The following NBPF15 variants were observed in gnomAD, a reference collection of about 807,000 sequenced individuals.
The protein encoded by NBPF15 is NBPF member 15.
A neutral mutation model predicts 62.2 loss-of-function variants in NBPF15; 74 were observed. The observed-to-expected ratio is 1.19, with a 90% confidence interval of 0.99 to 1.44. The LOEUF is 1.44. NBPF15 is among the 40% of genes most tolerant of loss of function. The probability of loss-of-function intolerance (pLI) is 0.00; values close to 1 mark genes in which losing one functional copy is unlikely to be tolerated. For synonymous variants in NBPF15, 244 were observed against 209.7 expected (o/e 1.16, Z -1.41); for missense variants, 790 against 550.0 (o/e 1.44, Z -4.36).
intron 20 of NBPF15, among the ~76,000 whole-genome samples, chr1:144,424,204 T>C (rs1360946527): frequency 6.6e-6 from 1 of 152,052 alleles, no homozygotes; most frequent in Non-Finnish European, 1.5e-5. Context: ...GTTATCCCAA[T>C]AACATTTGTC....
At chr1:144,445,410 T>C (rs1686799784) in intron 6 of NBPF15, among the ~76,000 whole-genome samples, 1 of 145,436 alleles carries the variant, frequency 6.9e-6, no homozygotes, top group African/African-American at 2.5e-5. Flanking sequence ...TATACATATA[T>C]ATATGTCCTA....
intron 16 of NBPF15, among the ~76,000 whole-genome samples, chr1:144,427,527 G>A (rs1670625475): frequency 1.3e-5 from 2 of 148,250 alleles, no homozygotes. Context: ...ACAAAATTGA[G>A]ACAAAATCAG....
At position 144,424,577 on chromosome 1, in the gene NBPF15, C is replaced by T. The variant is rs1402559206; in HGVS notation, c.1663+113G>A. On this transcript the variant is annotated intron_variant, in intron 20 of 21. Transcript: ENST00000581897. ...ATTCAACCTACATGTGCCTATAGGT[C>T]CTCACTGCGGCAATGACATCTCTCA... The T allele has an allele frequency of 7.7e-6, 5 of 652,464 alleles. No individual in the cohort carries two copies. In the Admixed American group the frequency reaches 8.1e-5, roughly 11 times the overall value. 40.4% of individuals were successfully genotyped at this position (652,464 alleles called of 1,614,324 possible).
At chr1:144,427,427 C>A (rs1379402032) in intron 16 of NBPF15, among the ~76,000 whole-genome samples, 3 of 147,734 alleles carry the variant, frequency 2.0e-5, no homozygotes, top group Admixed American at 2.0e-4. Context: ...CTGCACTATT[C>A]AGCCCTGTCT....
At chr1:144,450,723 A>C (rs1304996370) in intron 5 of NBPF15, 49 bp downstream of exon 5, 1 of 510,962 alleles carries the variant, frequency 2.0e-6, no homozygotes, top group Non-Finnish European at 2.5e-6. Flanking sequence ...AGAGAAAAAA[A>C]TCAATCAACC....
rs1412799998 is a variant in NBPF15, at chr1:144,426,443, T to A, written c.1273A>T (p.Arg425Trp). 14 of 789,998 alleles carry A rather than the reference T, an allele frequency of 1.8e-5. 1 individual carries two copies. The highest frequency in any genetic ancestry group is 1.7e-4 in the African/African-American group (10 of 59,052). 48.9% of individuals were successfully genotyped at this position (789,998 alleles called of 1,614,324 possible). Reference protein sequence around the residue: ...DQDPSCPRLSRELLDEKEPEV... With the variant: ...DQDPSCPRLSWELLDEKEPEV... Reference sequence around the variant, plus strand: ...GGCTCTTTCTCATCCAGCAGCTCCCTGCTGAGCCTGGAAAAGTAGGAAAAA... The same window carrying A: ...GGCTCTTTCTCATCCAGCAGCTCCCAGCTGAGCCTGGAAAAGTAGGAAAAA... Residue 425 changes from arginine (R) to tryptophan (W), a missense_variant, in exon 18 of 22, where the codon AGG (arginine) becomes TGG (tryptophan). Coordinates refer to ENST00000581897, the MANE Select transcript of NBPF15 (RefSeq NM_001385408.1).
At chr1:144,442,343 T>C (rs1438061688) in intron 6 of NBPF15, among the ~76,000 whole-genome samples, 28 of 129,714 alleles carry the variant, frequency 2.2e-4, no homozygotes, top group Middle Eastern at 7.6e-3. Flanking sequence ...GTGTGCCATG[T>C]ATATATATAT....
At chr1:144,427,525 G>C (rs1670623064) in intron 16 of NBPF15, among the ~76,000 whole-genome samples, 1 of 148,432 alleles carries the variant, frequency 6.7e-6, no homozygotes, top group Non-Finnish European at 1.5e-5. Context: ...CTACAAAATT[G>C]AGACAAAATC....
intron 6 of NBPF15, among the ~76,000 whole-genome samples, chr1:144,448,303 C>T (rs1373487260): frequency 6.6e-5 from 10 of 152,012 alleles, no homozygotes; most frequent in Non-Finnish European, 1.5e-5. Context: ...AAGCATGTAT[C>T]CTAAGGCGTC....
intron 6 of NBPF15, among the ~76,000 whole-genome samples, chr1:144,446,754 A>G (rs1400291613): frequency 6.6e-6 from 1 of 151,534 alleles, no homozygotes; most frequent in African/African-American, 2.4e-5. Context: ...TAAATATAAA[A>G]AAGAGGCCGG....
intron 13 of NBPF15, among the ~76,000 whole-genome samples, chr1:144,431,387 C>T (rs1362959031): frequency 6.7e-6 from 1 of 150,228 alleles, no homozygotes; most frequent in Admixed American, 6.6e-5. Context: ...TGGCACAAAC[C>T]CTACAAGCCA....
chr1:144,424,113 G>A (rs1239087449), intron 20 of NBPF15, 138 bp from the exon 21 acceptor site: 7 of 739,822 alleles, frequency 9.5e-6, no homozygotes, highest in Middle Eastern at 3.8e-4. Flanking sequence ...TATTTCAGGA[G>A]GTCTGAAGGC....
chr1:144,428,325 C>G (rs1405386420), intron 15 of NBPF15, among the ~76,000 whole-genome samples: 2 of 151,750 alleles, frequency 1.3e-5, no homozygotes, highest in Non-Finnish European at 2.9e-5. Context: ...AGCATGTCCT[C>G]AATAATTTTG....
At position 144,461,647 on chromosome 1, in the gene NBPF15, C is replaced by A. The variant is rs868950409; in HGVS notation, c.-1204G>T. ...TGCGCCAGCTGGCTCCTCAGGGTCC[C>A]GCCCGGCGCGTCAGGAGAGCCCAAG... On this transcript the variant is annotated 5_prime_UTR_variant, in exon 1 of 22. Coordinates refer to ENST00000581897, the MANE Select transcript of NBPF15 (RefSeq NM_001385408.1). 6.6e-6 allele frequency: 1 copy of A among 152,426 alleles called. No individual in the cohort carries two copies. The highest frequency in any genetic ancestry group is 1.5e-5 in the Non-Finnish European group (1 of 68,322). 9.4% of individuals were successfully genotyped at this position (152,426 alleles called of 1,614,324 possible). A position where few individuals can be genotyped will look rare whatever the true frequency, so the allele number is the denominator to read the frequency against.
At chr1:144,434,913 G>A (rs1361803660) in intron 12 of NBPF15, among the ~76,000 whole-genome samples, 198 bp downstream of exon 12, 1 of 151,976 alleles carries the variant, frequency 6.6e-6, no homozygotes, top group Admixed American at 6.6e-5. Flanking sequence ...ACTTGCCTGG[G>A]GTTGAGTAAC....
At chr1:144,448,192 C>T (rs1241394767) in intron 6 of NBPF15, among the ~76,000 whole-genome samples, 1 of 152,060 alleles carries the variant, frequency 6.6e-6, no homozygotes, top group Non-Finnish European at 1.5e-5. Flanking sequence ...CCACTATCTC[C>T]CCTGTAGGTT....
rs1553539403 is a variant in NBPF15 at position 144,427,052 on chromosome 1, G to A, written c.1260C>T (p.Cys420=). 2 of 742,816 alleles carry A rather than the reference G, an allele frequency of 2.7e-6. No homozygotes were observed. The highest frequency in any genetic ancestry group is 1.8e-5 in the African/African-American group (1 of 54,434). The allele number at this position is 742,816 out of a possible 1,614,324, so 46.0% of individuals were successfully genotyped here. A position where few individuals can be genotyped will look rare whatever the true frequency, so the allele number is the denominator to read the frequency against. Residue 420 remains cysteine, a synonymous_variant, in exon 17 of 22, where the codon TGC becomes TGT. Transcript: ENST00000581897. ...QEVEEDQDPS[C]PRLSRELLDE... ...CCATAATTGCTCAAAGTTACCTGGG[G>A]CATGATGGGTCTTGGTCTTCTTCCA...
At chr1:144,434,465 C>T (rs1232520123) in intron 12 of NBPF15, among the ~76,000 whole-genome samples, 3 of 146,334 alleles carry the variant, frequency 2.1e-5, no homozygotes, top group East Asian at 2.0e-4. Context: ...GGTGCCACTG[C>T]ACTCCAGCCT....
At chr1:144,423,831 T>C (rs1667537291) in intron 21 of NBPF15, 39 bp downstream of exon 21, 2 of 762,348 alleles carry the variant, frequency 2.6e-6, no homozygotes, top group Non-Finnish European at 4.8e-6. Context: ...CCTCCAGGTG[T>C]TAACACAGAA....
Sources: gnomAD v4.1 joint callset for allele counts (sites outside exome capture counted in the v4.1 genomes callset) on GRCh38, gnomAD v4.1.1 for gene constraint, MANE v1.5 for transcripts, NCBI Gene and HGNC (gene_info 2026-07-23, HGNC 2026-07-21) for gene names.